TRAF3: variants seen among roughly 807,000 people sequenced by gnomAD.
TRAF3 encodes TNF receptor associated factor 3.
Under a neutral mutation model 62.3 loss-of-function variants are expected in TRAF3, and 13 were observed. That is an observed-to-expected ratio of 0.21 (90% CI 0.14 to 0.33). The LOEUF is 0.33. TRAF3 is among the 10% of genes least tolerant of loss of function. The pLI is 1.00. For missense variants in TRAF3, 440 were observed against 741.8 expected, an observed-to-expected ratio of 0.59 and a Z score of 4.73; for synonymous variants, 269 against 283.4, an observed-to-expected ratio of 0.95 and a Z score of 0.51.
intron 9 of TRAF3, chr14:102,894,970 G>A: frequency 2.5e-6 from 1 of 405,200 alleles, no homozygotes; most frequent in South Asian, 1.8e-5. Flanking sequence ...CCAAAGTGCT[G>A]AGACTACACG....
intron 9 of TRAF3, among the ~76,000 whole-genome samples, chr14:102,892,915 G>T (rs753227172): frequency 3.3e-5 from 5 of 152,212 alleles, no homozygotes; most frequent in Non-Finnish European, 5.9e-5. Flanking sequence ...CCATCTTCCC[G>T]TGAGCATAGA....
Position 102,909,321 on chromosome 14 carries a change from G to A in TRAF3, c.*3537G>A, listed in dbSNP as rs1041941583. On this transcript the variant is annotated 3_prime_UTR_variant, in exon 12 of 12. Transcript: ENST00000392745. The stretch of plus-strand genomic sequence containing the variant: ...TGGGCGAAGGCCTGGACTTGCAGAT[G>A]TGTGTTCCCTGTGCGGGTGGACAGA... The A allele has an allele frequency of 2.0e-5, 3 of 152,362 alleles. No homozygotes were observed. Among genetic ancestry groups the A allele is most frequent in the African/African-American group, 7.2e-5 (3 of 41,458 alleles). 9.4% of individuals were successfully genotyped at this position (152,362 alleles called of 1,614,324 possible). A position where few individuals can be genotyped will look rare whatever the true frequency, so the allele number is the denominator to read the frequency against.
chr14:102,781,104 G>A (rs1340328835), intron 1 of TRAF3, among the ~76,000 whole-genome samples: 1 of 152,214 alleles, frequency 6.6e-6, no homozygotes, highest in Non-Finnish European at 1.5e-5. Context: ...AAGTCTTCTG[G>A]GAAGCGGCGT....
At chr14:102,864,198 G>T (rs1163871910) in intron 2 of TRAF3, among the ~76,000 whole-genome samples, 2 of 149,838 alleles carry the variant, frequency 1.3e-5, no homozygotes, top group Non-Finnish European at 3.0e-5. Flanking sequence ...ACCCGGGCTG[G>T]AGTGCAGTGG....
chr14:102,834,374 G>A (rs1430108179), intron 2 of TRAF3, among the ~76,000 whole-genome samples: 1 of 152,052 alleles, frequency 6.6e-6, no homozygotes, highest in Admixed American at 6.6e-5. Context: ...GTGCTGGGAC[G>A]ACTGGCTAGC....
chr14:102,828,333 T>C (rs1169213202), intron 1 of TRAF3, among the ~76,000 whole-genome samples: 1 of 152,206 alleles, frequency 6.6e-6, no homozygotes. Context: ...GTGAAGCCTT[T>C]TGCTCCCCTT....
intron 2 of TRAF3, among the ~76,000 whole-genome samples, chr14:102,853,910 A>C (rs1032211307): frequency 6.6e-6 from 1 of 152,050 alleles, no homozygotes; most frequent in African/African-American, 2.4e-5. Context: ...CACCCCAAAA[A>C]GAAACCCCAT....
chr14:102,808,131 A>C (rs542398818), intron 1 of TRAF3, among the ~76,000 whole-genome samples: 1 of 152,246 alleles, frequency 6.6e-6, no homozygotes, highest in African/African-American at 2.4e-5. Context: ...AGGGGAGGGC[A>C]CAGAGAGTCA....
intron 2 of TRAF3, among the ~76,000 whole-genome samples, chr14:102,843,485 G>C (rs1221466733): frequency 6.6e-6 from 1 of 151,892 alleles, no homozygotes; most frequent in Admixed American, 6.6e-5. Context: ...CTATAAGCGT[G>C]TGCCACCATA....
At chr14:102,815,816 G>A (rs905395566) in intron 1 of TRAF3, among the ~76,000 whole-genome samples, 4 of 152,154 alleles carry the variant, frequency 2.6e-5, no homozygotes, top group Non-Finnish European at 5.9e-5. Context: ...AAGAAGGAGC[G>A]TGTGTGAGTG....
intron 1 of TRAF3, 80 bp from the exon 2 acceptor site, chr14:102,830,252 GCA>G (rs1357955870): frequency 1.3e-5 from 2 of 152,240 alleles, no homozygotes; most frequent in Admixed American, 1.3e-4. Flanking sequence ...TGGCCTTGAG[GCA>G]CACAGCGGGC....
At chr14:102,796,660 AAACAGCC>A (rs1239887195) in intron 1 of TRAF3, among the ~76,000 whole-genome samples, 1 of 152,218 alleles carries the variant, frequency 6.6e-6, no homozygotes, top group Non-Finnish European at 1.5e-5. Flanking sequence ...GTTTTTCCCC[AAACAGCC>A]CCTGGTCGAT....
intron 11 of TRAF3, 135 bp from the exon 12 acceptor site, chr14:102,905,078 C>G (rs1890519007): frequency 2.2e-6 from 2 of 921,148 alleles, no homozygotes; most frequent in African/African-American, 1.6e-5. Flanking sequence ...TGCCACTGCA[C>G]TCCAGTCTGG....
intron 1 of TRAF3, among the ~76,000 whole-genome samples, chr14:102,827,062 C>T (rs1234364932): frequency 6.6e-6 from 1 of 152,230 alleles, no homozygotes; most frequent in Non-Finnish European, 1.5e-5. Context: ...GGACCTCCCG[C>T]ACCTGCTGAG....
chr14:102,880,209 T>TA (rs1337369436), intron 6 of TRAF3, among the ~76,000 whole-genome samples: 17 of 152,318 alleles, frequency 1.1e-4, no homozygotes, highest in African/African-American at 4.1e-4. Context: ...CTGTGCATAA[T>TA]GGCTCATGCC....
rs146180287 is a variant in TRAF3, at chr14:102,818,613, T to C, written c.-156-11721T>C. On this transcript the variant is annotated intron_variant, in intron 1 of 11. Coordinates refer to ENST00000392745, the MANE Select transcript of TRAF3 (RefSeq NM_145725.3). ...TGTACCATTTGACCAGTACCTCTCC[T>C]TTCCCCATTCCCCCGCTCCCAGCCT... 7.6e-3 allele frequency among the ~76,000 whole-genome samples: 1,165 copies of C among 152,334 alleles called. 13 individuals carry two copies. Among genetic ancestry groups the C allele is most frequent in the African/African-American group, 0.027 (1,114 of 41,566 alleles).
chr14:102,780,465 G>A (rs1897229560), intron 1 of TRAF3, among the ~76,000 whole-genome samples: 1 of 151,820 alleles, frequency 6.6e-6, no homozygotes, highest in African/African-American at 2.4e-5. Flanking sequence ...AAGGGGGTGG[G>A]GAGACAGACC....
Position 102,870,464 on chromosome 14 carries a change from G to A in TRAF3, c.245+18G>A. The A allele has an allele frequency of 6.2e-7, 1 of 1,607,902 alleles. No individual in the cohort carries two copies. The highest frequency in any genetic ancestry group is 1.7e-5 in the Admixed American group (1 of 59,734). ...CTGCTGAGGTAGGCGCCCTCGCCCGGCCCGTCGCCCGGCCCCTTCTCAGCC... is the reference window on the plus strand; with the variant it reads ...CTGCTGAGGTAGGCGCCCTCGCCCGACCCGTCGCCCGGCCCCTTCTCAGCC... On this transcript the variant is annotated intron_variant, in intron 3 of 11. Transcript: ENST00000392745.
At chr14:102,834,478 C>G (rs967829545) in intron 2 of TRAF3, among the ~76,000 whole-genome samples, 2 of 151,828 alleles carry the variant, frequency 1.3e-5, no homozygotes, top group African/African-American at 4.8e-5. Flanking sequence ...GTGGGTGGAT[C>G]ATGAGGTCAG....
Sources: allele counts gnomAD v4.1 joint callset (sites outside exome capture counted in the v4.1 genomes callset), GRCh38; gene constraint gnomAD v4.1.1; transcripts MANE v1.5; gene names NCBI Gene and HGNC (gene_info 2026-07-23, HGNC 2026-07-21).